Variants in SH3GLB1 observed in about 807,000 individuals in gnomAD.
SH3GLB1 encodes endophilin-B1.
In SH3GLB1, 17 loss-of-function variants were observed where a neutral mutation model predicts 42.0. The ratio of observed to expected loss-of-function variants is 0.40; its 90% CI spans 0.28 to 0.61. The LOEUF (loss-of-function observed/expected upper bound fraction) is 0.61, where lower values mean the gene tolerates loss of function less well. SH3GLB1 is among the 20% of genes least tolerant of loss of function. The pLI is 0.36. For synonymous variants in SH3GLB1, 132 were observed against 146.6 expected (o/e 0.90, Z 0.72); for missense variants, 355 against 426.3 (o/e 0.83, Z 1.47).
At chr1:86,734,519 AT>A in intron 5 of SH3GLB1, 82 bp from the exon 6 acceptor site, 93 of 985,324 alleles carry the variant, frequency 9.4e-5, no homozygotes, top group Non-Finnish European at 1.1e-4. Flanking sequence ...TGTTCGGGGG[AT>A]TTTTTTTAAC....
At chr1:86,710,670 A>G (rs1263830373) in intron 1 of SH3GLB1, among the ~76,000 whole-genome samples, 3 of 152,222 alleles carry the variant, frequency 2.0e-5, no homozygotes, top group East Asian at 1.9e-4. Context: ...TATATTTAAA[A>G]TGATCAAACA....
In SH3GLB1 at chr1:86,704,824, C is replaced by T. The variant is rs975810307; in HGVS notation, c.-76C>T. 1.0e-6 allele frequency: 1 copy of T among 1,002,324 alleles called. No homozygotes were observed. The highest frequency in any genetic ancestry group is 1.5e-6 in the Non-Finnish European group (1 of 685,022). 62.1% of individuals were successfully genotyped at this position (1,002,324 alleles called of 1,614,324 possible). A position where few individuals can be genotyped will look rare whatever the true frequency, so the allele number is the denominator to read the frequency against. ...CACGTCTGCCCTCGCCGCTCTAGCC[C>T]TGCGCCCCAGCCCGGCCGCGGCACC... On this transcript the variant is annotated 5_prime_UTR_variant, in exon 1 of 9. Transcript: ENST00000370558.
intron 5 of SH3GLB1, 35 bp downstream of exon 5, chr1:86,724,440 T>C: frequency 1.4e-6 from 2 of 1,433,622 alleles, no homozygotes; most frequent in Non-Finnish European, 1.9e-6. Context: ...GATTAATAAC[T>C]TTAAGATTTG....
chr1:86,721,878 C>T (rs1654880011), intron 3 of SH3GLB1, among the ~76,000 whole-genome samples: 1 of 152,054 alleles, frequency 6.6e-6, no homozygotes, highest in Admixed American at 6.6e-5. Flanking sequence ...TTGCATATAA[C>T]CTATGCACAT....
intron 1 of SH3GLB1, among the ~76,000 whole-genome samples, chr1:86,708,282 A>T (rs970331878): frequency 6.6e-6 from 1 of 152,206 alleles, no homozygotes; most frequent in East Asian, 1.9e-4. Flanking sequence ...TTTCATGCTA[A>T]GAATAGCTTA....
intron 3 of SH3GLB1, among the ~76,000 whole-genome samples, chr1:86,722,103 C>T (rs1017210647): frequency 6.0e-5 from 9 of 149,930 alleles, no homozygotes; most frequent in Non-Finnish European, 1.2e-4. Flanking sequence ...CCTCCTCCCT[C>T]AGCTTTGGAG....
intron 1 of SH3GLB1, among the ~76,000 whole-genome samples, chr1:86,713,413 G>T (rs192150358): frequency 1.1e-3 from 168 of 152,078 alleles, no homozygotes; most frequent in Non-Finnish European, 1.9e-3. Context: ...TTGATCTGTT[G>T]ATTTTTCTAT....
intron 1 of SH3GLB1, among the ~76,000 whole-genome samples, chr1:86,712,088 ATG>A (rs1654247811): frequency 1.3e-5 from 2 of 152,132 alleles, no homozygotes; most frequent in African/African-American, 4.8e-5. Context: ...GGGAAATATT[ATG>A]TCTTTTACAA....
chr1:86,712,777 CCTA>C (rs998220882), intron 1 of SH3GLB1, among the ~76,000 whole-genome samples: 41 of 150,012 alleles, frequency 2.7e-4, no homozygotes, highest in Non-Finnish European at 4.0e-4. Context: ...AAAAAAAAAA[CCTA>C]CTAATTGTGT....
At position 86,704,928 on chromosome 1, in the gene SH3GLB1, A is replaced by C; in HGVS notation, c.29A>C (p.Lys10Thr). Residue 10 changes from lysine to threonine, a missense_variant, in exon 1 of 9, where the codon AAG (lysine) becomes ACG (threonine). Physicochemically the swap from Lys to Thr is moderately conservative, Grantham distance 78. Transcript: ENST00000370558. Reference protein sequence around the residue: MNIMDFNVKKLAADAGTFLS... With the variant: MNIMDFNVKTLAADAGTFLS... Reference sequence around the variant, plus strand: ...AATATCATGGACTTCAACGTGAAGAAGCTGGCGGCCGACGCAGGCACCTTC... The same window carrying C: ...AATATCATGGACTTCAACGTGAAGACGCTGGCGGCCGACGCAGGCACCTTC... The C allele has an allele frequency of 6.3e-7, 1 of 1,585,976 alleles. No homozygotes were observed. The highest frequency in any genetic ancestry group is 1.7e-4 in the Middle Eastern group (1 of 5,976).
chr1:86,706,022 T>C (rs1469807024), intron 1 of SH3GLB1, among the ~76,000 whole-genome samples: 1 of 152,238 alleles, frequency 6.6e-6, no homozygotes, highest in Non-Finnish European at 1.5e-5. Flanking sequence ...AAAAGAGTAG[T>C]AGAGCTAGAG....
chr1:86,742,336 A>C lies in SH3GLB1; in HGVS notation c.890A>C (p.Asn297Thr), dbSNP rs774326140. Reference protein sequence around the residue: ...TSGLVITSPSNLSDLKECSGS... With the variant: ...TSGLVITSPSTLSDLKECSGS... ...GGCCTAGTAATCACCTCTCCTTCCA[A>C]CCTCAGTGACCTTAAGGAGTGTAGT... Residue 297 changes from asparagine to threonine, a missense_variant, in exon 8 of 9, where the codon AAC (asparagine) becomes ACC (threonine). Coordinates refer to ENST00000370558, the MANE Select transcript of SH3GLB1 (RefSeq NM_016009.5). The C allele has an allele frequency of 1.2e-6, 2 of 1,613,970 alleles. No homozygotes were observed. The highest frequency in any genetic ancestry group is 2.2e-5 in the East Asian group (1 of 44,864).
intron 7 of SH3GLB1, among the ~76,000 whole-genome samples, chr1:86,741,561 T>C (rs1300560718): frequency 6.6e-6 from 1 of 152,178 alleles, no homozygotes; most frequent in Admixed American, 6.5e-5. Context: ...TACCATTGAG[T>C]CTTCAATTTC....
intron 1 of SH3GLB1, among the ~76,000 whole-genome samples, chr1:86,706,919 G>GT (rs1485823956): frequency 6.6e-6 from 1 of 151,904 alleles, no homozygotes; most frequent in Non-Finnish European, 1.5e-5. Context: ...TTAGGAAAAA[G>GT]TTTTAAATTT....
intron 7 of SH3GLB1, among the ~76,000 whole-genome samples, chr1:86,740,287 C>G (rs1254827750): frequency 6.6e-6 from 1 of 152,066 alleles, no homozygotes; most frequent in African/African-American, 2.4e-5. Context: ...AAATAGTCAT[C>G]AGGGGAATGA....
intron 3 of SH3GLB1, 140 bp from the exon 4 acceptor site, chr1:86,722,400 C>A: frequency 1.5e-6 from 1 of 646,332 alleles, no homozygotes; most frequent in Middle Eastern, 4.3e-4. Flanking sequence ...ACCTTAATTA[C>A]AGTTAATTCT....
At chr1:86,724,892 A>AAAATAT (rs1291454820) in intron 5 of SH3GLB1, among the ~76,000 whole-genome samples, 3 of 99,684 alleles carry the variant, frequency 3.0e-5, no homozygotes, top group South Asian at 3.0e-4. Flanking sequence ...AAAAAAAAAA[A>AAAATAT]ATATATATAT....
intron 1 of SH3GLB1, among the ~76,000 whole-genome samples, chr1:86,711,555 G>A (rs1037980649): frequency 6.6e-6 from 1 of 152,020 alleles, no homozygotes; most frequent in Admixed American, 6.5e-5. Flanking sequence ...TTACACAAAA[G>A]TTCTTAATTA....
chr1:86,720,204 T>C (rs1226754962), intron 3 of SH3GLB1, among the ~76,000 whole-genome samples: 1 of 152,190 alleles, frequency 6.6e-6, no homozygotes, highest in East Asian at 1.9e-4. Flanking sequence ...GTTCTCCCAG[T>C]GATCTTACAA....
Sources: gnomAD v4.1 joint callset for allele counts (sites outside exome capture counted in the v4.1 genomes callset) on GRCh38, gnomAD v4.1.1 for gene constraint, MANE v1.5 for transcripts, NCBI Gene and HGNC (gene_info 2026-07-23, HGNC 2026-07-21) for gene names.